The following RELL1 variants were observed in gnomAD, a reference collection of about 807,000 sequenced individuals.
The protein encoded by RELL1 is RELT like 1.
A neutral mutation model predicts 23.0 loss-of-function variants in RELL1; 10 were observed. That is an observed-to-expected ratio of 0.43 (90% confidence interval 0.27 to 0.74). RELL1 has a LOEUF of 0.74. Ranked by LOEUF, RELL1 falls within the 30% of genes least tolerant of loss-of-function variation. The probability of loss-of-function intolerance (pLI) is 0.19; values close to 1 mark genes in which losing one functional copy is unlikely to be tolerated. For missense variants in RELL1, 315 were observed against 364.4 expected, an observed-to-expected ratio of 0.86 and a Z score of 1.10; for synonymous variants, 146 against 146.8, an observed-to-expected ratio of 0.99 and a Z score of 0.04.
At chr4:37,638,834 A>G (rs1303761141) in intron 3 of RELL1, among the ~76,000 whole-genome samples, 1 of 152,216 alleles carries the variant, frequency 6.6e-6, no homozygotes, top group African/African-American at 2.4e-5. Context: ...CCACCAAACT[A>G]AAGGACCATT....
downstream of RELL1, among the ~76,000 whole-genome samples, chr4:37,589,099 T>G (rs1251393661): frequency 6.6e-6 from 1 of 152,204 alleles, no homozygotes; most frequent in Non-Finnish European, 1.5e-5. Flanking sequence ...TTTTGCTCAC[T>G]TCTCAAAGCA....
downstream of RELL1, chr4:37,588,123 G>C (rs1405788494): frequency 6.6e-6 from 1 of 152,286 alleles, no homozygotes; most frequent in Non-Finnish European, 1.5e-5. Context: ...CAAAGGAAAT[G>C]ATGGGGAAAA....
intron 6 of RELL1, among the ~76,000 whole-genome samples, chr4:37,614,425 T>G (rs1299571415): frequency 6.6e-6 from 1 of 152,112 alleles, no homozygotes; most frequent in Non-Finnish European, 1.5e-5. Flanking sequence ...TAAAGGACCT[T>G]TATCCCCTTA....
chr4:37,680,838 G>C (rs537141346), intron 1 of RELL1, among the ~76,000 whole-genome samples: 6 of 151,576 alleles, frequency 4.0e-5, no homozygotes, highest in African/African-American at 1.5e-4. Context: ...AGGCTGAGGC[G>C]GGAGAATGGC....
chr4:37,648,109 T>C (rs1720772850), intron 2 of RELL1, among the ~76,000 whole-genome samples: 1 of 152,242 alleles, frequency 6.6e-6, no homozygotes, highest in African/African-American at 2.4e-5. Flanking sequence ...CATCAAGGTG[T>C]GCAGTGTCCT....
intron 1 of RELL1, among the ~76,000 whole-genome samples, chr4:37,656,310 T>C (rs1721114783): frequency 6.6e-6 from 1 of 152,064 alleles, no homozygotes; most frequent in African/African-American, 2.4e-5. Flanking sequence ...GTCAAACTCA[T>C]AGAAACCAGA....
chr4:37,606,669 T>C (rs146296777), downstream of RELL1, among the ~76,000 whole-genome samples: 9 of 152,334 alleles, frequency 5.9e-5, no homozygotes, highest in East Asian at 1.5e-3. The surrounding 1 kb of genome is among the most constrained non-coding windows in gnomAD (Gnocchi z 4.1). Flanking sequence ...TCAGAAGGAA[T>C]CAACCCTGCA....
At position 37,631,488 on chromosome 4, in the gene RELL1, T is replaced by C; in HGVS notation, c.716A>G (p.Gln239Arg). The C allele has an allele frequency of 1.2e-6, 2 of 1,614,148 alleles. No homozygotes were observed. The highest frequency in any genetic ancestry group is 1.7e-6 in the Non-Finnish European group (2 of 1,180,030). Residue 239 changes from glutamine (Q) to arginine (R), a missense_variant, in exon 6 of 7, where the codon CAG (glutamine) becomes CGG (arginine). Gln to Arg is a conservative substitution (Grantham distance 43). Coordinates refer to ENST00000454158, the MANE Select transcript of RELL1 (RefSeq NM_001085400.2). ...RVTKVEHKSN[Q>R]KERRSLMSVS... ...AGACATCAGGCTTCTCCGTTCCTTC[T>C]GGTTTGACTTGTGCTCCACTTTTGT...
chr4:37,645,891 TCAAACTGA>T (rs1720695012), intron 3 of RELL1, among the ~76,000 whole-genome samples: 1 of 151,772 alleles, frequency 6.6e-6, no homozygotes, highest in African/African-American at 2.4e-5. Context: ...TTGAAGAGAG[TCAAACTGA>T]CAAACAGGCT....
chr4:37,601,709 G>A (rs867415076), intron 6 of RELL1, among the ~76,000 whole-genome samples: 79 of 152,374 alleles, frequency 5.2e-4, no homozygotes, highest in African/African-American at 1.8e-3. Flanking sequence ...TGCAGGGCTG[G>A]ATGCCAGAGC....
At chr4:37,642,477 G>A (rs761740036) in intron 3 of RELL1, among the ~76,000 whole-genome samples, 5 of 152,184 alleles carry the variant, frequency 3.3e-5, no homozygotes, top group African/African-American at 9.7e-5. Flanking sequence ...TAGCACTGCC[G>A]TACATCCAAC....
intron 6 of RELL1, among the ~76,000 whole-genome samples, chr4:37,627,462 C>T (rs1049307230): frequency 6.6e-6 from 1 of 152,078 alleles, no homozygotes; most frequent in Non-Finnish European, 1.5e-5. Context: ...CCATTTTAAC[C>T]GCATTGCCAA....
chr4:37,595,060 A>AT (rs970164692), intron 6 of RELL1, among the ~76,000 whole-genome samples: 1 of 151,984 alleles, frequency 6.6e-6, no homozygotes, highest in South Asian at 2.1e-4. Context: ...GTCTTGTTTC[A>AT]TTTTTTTTCT....
downstream of RELL1, among the ~76,000 whole-genome samples, chr4:37,605,818 A>G (rs1357872130): frequency 3.6e-3 from 435 of 122,176 alleles, 6 homozygotes; most frequent in African/African-American, 9.7e-3. Flanking sequence ...AAAGAAAGAA[A>G]GAAAGAAAGA....
chr4:37,594,094 G>C (rs974390451), intron 6 of RELL1, among the ~76,000 whole-genome samples: 19 of 152,168 alleles, frequency 1.2e-4, no homozygotes, highest in Admixed American at 6.5e-5. Flanking sequence ...CTTTGAAAAG[G>C]TCGACAGATG....
At chr4:37,628,350 A>G (rs1560335467) in intron 6 of RELL1, among the ~76,000 whole-genome samples, 1 of 152,050 alleles carries the variant, frequency 6.6e-6, no homozygotes, top group African/African-American at 2.4e-5. Flanking sequence ...CATCTGCAAA[A>G]TGGGGTACTA....
rs772779172 is a variant in RELL1, at chr4:37,686,314, C to A, written c.-27G>T. 91 of 1,468,108 alleles carry A rather than the reference C, an allele frequency of 6.2e-5. No homozygotes were observed. Among genetic ancestry groups the A allele is most frequent in the Non-Finnish European group, 7.6e-5 (85 of 1,111,862 alleles). The allele number at this position is 1,468,108 out of a possible 1,614,324, so 90.9% of individuals were successfully genotyped here. On this transcript the variant is annotated 5_prime_UTR_variant, in exon 1 of 7. Coordinates refer to ENST00000454158, the MANE Select transcript of RELL1 (RefSeq NM_001085400.2). ...GCCGCGTCGCTTCGCCCTCCTCCCC[C>A]AGGGCGCCGCGTCCCGCGCTCGGGA...
chr4:37,629,234 C>T (rs1720046959), intron 6 of RELL1, among the ~76,000 whole-genome samples: 1 of 152,198 alleles, frequency 6.6e-6, no homozygotes, highest in Non-Finnish European at 1.5e-5. Flanking sequence ...GCTGGCTGGG[C>T]CTTCCTCACC....
At chr4:37,590,111 T>C (rs780899371), downstream of RELL1, 1 of 1,613,680 alleles carries the variant, frequency 6.2e-7, no homozygotes, top group South Asian at 1.1e-5. Flanking sequence ...CCAGTTCAAG[T>C]GCCCTCTCCT....
Sources: allele counts gnomAD v4.1 joint callset (sites outside exome capture counted in the v4.1 genomes callset), GRCh38; gene constraint gnomAD v4.1.1; non-coding constraint Gnocchi (gnomAD v3.1); transcripts MANE v1.5; gene names NCBI Gene and HGNC (gene_info 2026-07-23, HGNC 2026-07-21).